Variants in FAM169A observed in about 807,000 individuals in gnomAD.
The protein encoded by FAM169A is family with sequence similarity 169 member A.
In FAM169A, 24 loss-of-function variants were observed where a neutral mutation model predicts 75.7. That is an observed-to-expected ratio of 0.32 (90% CI 0.23 to 0.45). FAM169A has a LOEUF of 0.45. FAM169A is among the 20% of genes least tolerant of loss of function. FAM169A has a pLI of 1.00. For synonymous variants in FAM169A, 271 were observed against 271.0 expected, an observed-to-expected ratio of 1.00 and a Z score of 0.00; for missense variants, 673 against 784.0, an observed-to-expected ratio of 0.86 and a Z score of 1.69.
At chr5:74,833,874 T>C (rs1448053190) in intron 5 of FAM169A, among the ~76,000 whole-genome samples, 1 of 152,178 alleles carries the variant, frequency 6.6e-6, no homozygotes, top group Admixed American at 6.5e-5. Flanking sequence ...TTTTTAAGGA[T>C]AGGGTATAGC....
At chr5:74,807,747 T>C (rs1471707879) in intron 6 of FAM169A, among the ~76,000 whole-genome samples, 1 of 152,212 alleles carries the variant, frequency 6.6e-6, no homozygotes, top group African/African-American at 2.4e-5. Context: ...TCAACATTGA[T>C]AACTCTTTTA....
intron 5 of FAM169A, among the ~76,000 whole-genome samples, chr5:74,817,209 GA>G: frequency 6.6e-6 from 1 of 151,770 alleles, no homozygotes. Context: ...AATTAGGCAA[GA>G]AAAAGAAAGA....
intron 11 of FAM169A, among the ~76,000 whole-genome samples, chr5:74,792,834 A>G (rs947819225): frequency 6.6e-6 from 1 of 152,234 alleles, no homozygotes; most frequent in Non-Finnish European, 1.5e-5. Flanking sequence ...TATGGAAAAC[A>G]GTGTGGAGAT....
chr5:74,794,137 A>G (rs1253798030), intron 11 of FAM169A, among the ~76,000 whole-genome samples: 1 of 150,212 alleles, frequency 6.7e-6, no homozygotes, highest in Non-Finnish European at 1.5e-5. Context: ...GTTCAAGACC[A>G]GCCTGGCAAA....
intron 1 of FAM169A, 60 bp downstream of exon 1, chr5:74,866,105 C>T: frequency 1.2e-6 from 1 of 864,414 alleles, no homozygotes; most frequent in Non-Finnish European, 1.4e-6. Context: ...GGCGCGGGGC[C>T]CGGCGCGGCC....
chr5:74,840,701 C>T (rs1299174254), intron 2 of FAM169A, among the ~76,000 whole-genome samples: 4 of 151,384 alleles, frequency 2.6e-5, no homozygotes, highest in African/African-American at 7.3e-5. Flanking sequence ...TGGTGGTGGG[C>T]GCCTGTAGTC....
rs1054305969 is a variant in FAM169A at position 74,780,455 on chromosome 5, T to C, written c.*1005A>G. 6.6e-6 allele frequency: 1 copy of C among 152,148 alleles called. No homozygotes were observed. The highest frequency in any genetic ancestry group is 1.9e-4 in the East Asian group (1 of 5,202). 9.4% of individuals were successfully genotyped at this position (152,148 alleles called of 1,614,324 possible). On this transcript the variant is annotated 3_prime_UTR_variant, in exon 13 of 13. Transcript: ENST00000687041. ...GAGTTACAGAAGTAGATGAAAGCTGTGGGGGAATATAAATAAGACTGTAGA... is the reference window on the plus strand; with the variant it reads ...GAGTTACAGAAGTAGATGAAAGCTGCGGGGGAATATAAATAAGACTGTAGA...
intron 4 of FAM169A, among the ~76,000 whole-genome samples, 164 bp from the exon 5 acceptor site, chr5:74,834,761 A>AATCATTCACATAG (rs1396738297): frequency 6.6e-6 from 1 of 152,192 alleles, no homozygotes; most frequent in Non-Finnish European, 1.5e-5. Flanking sequence ...AGATGAGACT[A>AATCATTCACATAG]ATCATTCACA....
At position 74,789,382 on chromosome 5, in the gene FAM169A, AG is replaced by A. The variant is rs550648432; in HGVS notation, c.1261-6249del. Among the ~76,000 whole-genome samples the A allele has an allele frequency of 1.9e-3, 284 of 152,336 alleles. 3 individuals are homozygous for A. Among genetic ancestry groups the A allele is most frequent in the East Asian group, 0.01 (53 of 5,184 alleles). ...AGATATTCCTTCTAAGGTAAAGGAT[AG>A]GATGCTGCATTTGGCCCCTACTACA... On this transcript the variant is annotated intron_variant, in intron 11 of 12. Coordinates refer to ENST00000687041, the MANE Select transcript of FAM169A (RefSeq NM_001376049.1).
At chr5:74,829,278 CA>C (rs1401508776) in intron 5 of FAM169A, among the ~76,000 whole-genome samples, 2 of 152,122 alleles carry the variant, frequency 1.3e-5, no homozygotes, top group Non-Finnish European at 2.9e-5. Flanking sequence ...CAACCATGAA[CA>C]TTTTCTATTA....
rs1750339770 is a variant in FAM169A, at chr5:74,866,286, G to T, written c.-125C>A. On this transcript the variant is annotated 5_prime_UTR_variant, in exon 1 of 13. Transcript: ENST00000687041. ...CCGGTCCCAGGCCGCACAGCTCGCG[G>T]CTGCCAGGGCGAGTGCGGCTGCCTC... 1.0e-6 allele frequency: 1 copy of T among 983,950 alleles called. No individual in the cohort carries two copies. The highest frequency in any genetic ancestry group is 1.2e-6 in the Non-Finnish European group (1 of 829,274). 61.0% of individuals were successfully genotyped at this position (983,950 alleles called of 1,614,324 possible). A position where few individuals can be genotyped will look rare whatever the true frequency, so the allele number is the denominator to read the frequency against.
At chr5:74,845,593 A>C (rs1437130635) in intron 1 of FAM169A, among the ~76,000 whole-genome samples, 1 of 152,230 alleles carries the variant, frequency 6.6e-6, no homozygotes, top group African/African-American at 2.4e-5. Context: ...AAATATGTAC[A>C]TTTCTACATC....
In FAM169A at chr5:74,801,764, A is replaced by T; in HGVS notation, c.913-135T>A. 4 of 679,454 alleles carry T rather than the reference A, an allele frequency of 5.9e-6. No homozygotes were observed. In the South Asian group the frequency reaches 6.6e-5, roughly 11 times the overall value. The allele number at this position is 679,454 out of a possible 1,614,324, so 42.1% of individuals were successfully genotyped here. A position where few individuals can be genotyped will look rare whatever the true frequency, so the allele number is the denominator to read the frequency against. On this transcript the variant is annotated intron_variant, in intron 8 of 12. Coordinates refer to ENST00000687041, the MANE Select transcript of FAM169A (RefSeq NM_001376049.1). ...ACTTTTTGTTAACAACATTTACTTT[A>T]AAAATAAAAAGGTTATAGTTCAGCT...
intron 5 of FAM169A, among the ~76,000 whole-genome samples, chr5:74,816,917 A>T (rs1747500705): frequency 6.6e-6 from 1 of 152,322 alleles, no homozygotes; most frequent in South Asian, 2.1e-4. Flanking sequence ...TCTATAAAGC[A>T]TGAGACTTCA....
chr5:74,805,488 G>A (rs558653443), intron 6 of FAM169A, among the ~76,000 whole-genome samples: 18 of 143,938 alleles, frequency 1.3e-4, no homozygotes, highest in Non-Finnish European at 2.1e-4. Context: ...GTTTTAACAC[G>A]ACTGAACAAT....
At chr5:74,847,925 T>C (rs1749242786) in intron 1 of FAM169A, among the ~76,000 whole-genome samples, 1 of 152,172 alleles carries the variant, frequency 6.6e-6, no homozygotes, top group African/African-American at 2.4e-5. Flanking sequence ...TAACCTCAAA[T>C]TTGCATACAG....
intron 5 of FAM169A, among the ~76,000 whole-genome samples, chr5:74,819,593 T>A (rs1427471452): frequency 6.6e-6 from 1 of 152,176 alleles, no homozygotes; most frequent in African/African-American, 2.4e-5. Flanking sequence ...CAACAACTTG[T>A]ATACAATTGT....
intron 1 of FAM169A, among the ~76,000 whole-genome samples, chr5:74,856,227 T>C (rs1445767352): frequency 6.6e-6 from 1 of 152,166 alleles, no homozygotes; most frequent in Non-Finnish European, 1.5e-5. Context: ...ATTTCTCCAG[T>C]TGTGTTCTTT....
chr5:74,842,528 CTTTT>C (rs1748936677), intron 1 of FAM169A, among the ~76,000 whole-genome samples: 1 of 133,838 alleles, frequency 7.5e-6, no homozygotes, highest in African/African-American at 2.8e-5. Flanking sequence ...ATATATATAG[CTTTT>C]TTCTTTTTTT....
Sources: gnomAD v4.1 joint callset for allele counts (sites outside exome capture counted in the v4.1 genomes callset) on GRCh38, gnomAD v4.1.1 for gene constraint, MANE v1.5 for transcripts, NCBI Gene and HGNC (gene_info 2026-07-23, HGNC 2026-07-21) for gene names.